The following MMP16 variants were observed in gnomAD, a reference collection of about 807,000 sequenced individuals.
MMP16 encodes the protein matrix metallopeptidase 16, also known as matrix metalloproteinase-16.
MMP16 carries 12 observed loss-of-function variants against 67.8 expected under a neutral mutation model. The ratio of observed to expected loss-of-function variants is 0.18; its 90% CI spans 0.11 to 0.29. MMP16 has a LOEUF of 0.29. MMP16 is among the 10% of genes least tolerant of loss of function. MMP16 has a pLI of 1.00. For synonymous variants in MMP16, 249 were observed against 255.9 expected, an observed-to-expected ratio of 0.97 and a Z score of 0.26; for missense variants, 475 against 765.7, an observed-to-expected ratio of 0.62 and a Z score of 4.48.
intron 4 of MMP16, among the ~76,000 whole-genome samples, chr8:88,163,971 A>G (rs927046953): frequency 1.3e-5 from 2 of 152,248 alleles, no homozygotes; most frequent in South Asian, 4.1e-4. Flanking sequence ...TATTTTAATA[A>G]AACTATTTTG....
intron 4 of MMP16, among the ~76,000 whole-genome samples, chr8:88,161,125 C>T (rs984507765): frequency 6.6e-6 from 1 of 152,144 alleles, no homozygotes; most frequent in Admixed American, 6.5e-5. Context: ...AGGAATGGTA[C>T]CAGCTCCTCC....
chr8:88,084,997 G>C (rs1392882619), intron 6 of MMP16, among the ~76,000 whole-genome samples: 1 of 151,726 alleles, frequency 6.6e-6, no homozygotes, highest in African/African-American at 2.4e-5. Flanking sequence ...TGTAACTAAG[G>C]GTAATATATG....
At chr8:88,222,024 C>CT (rs1005612996) in intron 1 of MMP16, among the ~76,000 whole-genome samples, 2 of 151,456 alleles carry the variant, frequency 1.3e-5, no homozygotes. Context: ...CATCCTCCTG[C>CT]TTTTTTTTAT....
At position 88,161,697 on chromosome 8, in the gene MMP16, A is replaced by C. The variant is rs538089466; in HGVS notation, c.709+5972T>G. On this transcript the variant is annotated intron_variant, in intron 4 of 9. Coordinates refer to ENST00000286614, the MANE Select transcript of MMP16 (RefSeq NM_005941.5). ...TTCTCTCGTGGGCATGTAGTGCTAT[A>C]AATTTCCGTCTACACACTGCTTTAA... 9.2e-5 allele frequency among the ~76,000 whole-genome samples: 14 copies of C among 152,136 alleles called. No individual in the cohort carries two copies. The South Asian group carries it at 2.5e-3, about 27-fold the overall frequency.
chr8:88,294,703 G>T (rs1208388991), intron 1 of MMP16, among the ~76,000 whole-genome samples: 1 of 151,942 alleles, frequency 6.6e-6, no homozygotes, highest in African/African-American at 2.4e-5. Flanking sequence ...TATTAGAATT[G>T]ATTTATTTAT....
At position 88,035,464 on chromosome 8, in the gene MMP16, C is replaced by A. The variant is rs1289271609; in HGVS notation, c.*5997G>T. The A allele has an allele frequency of 1.3e-5, 2 of 151,980 alleles. No individual in the cohort carries two copies. Among genetic ancestry groups the A allele is most frequent in the African/African-American group, 4.8e-5 (2 of 41,412 alleles). 9.4% of individuals were successfully genotyped at this position (151,980 alleles called of 1,614,324 possible). On this transcript the variant is annotated 3_prime_UTR_variant, in exon 10 of 10. Coordinates refer to ENST00000286614, the MANE Select transcript of MMP16 (RefSeq NM_005941.5). The surrounding 1 kb of genome is among the most constrained non-coding windows in gnomAD (Gnocchi z 4.7). ...CTTTAAGTTGAAAAGGCATAGAATC[C>A]TCAGAAATCTCTATAAATAAATGTC...
At chr8:88,252,364 A>T (rs1163305703) in intron 1 of MMP16, among the ~76,000 whole-genome samples, 1 of 152,082 alleles carries the variant, frequency 6.6e-6, no homozygotes, top group African/African-American at 2.4e-5. Flanking sequence ...TTAATGGACA[A>T]CTGTAGCCCT....
chr8:88,170,853 A>G (rs1365269637), intron 3 of MMP16, among the ~76,000 whole-genome samples: 1 of 152,144 alleles, frequency 6.6e-6, no homozygotes, highest in Admixed American at 6.6e-5. Flanking sequence ...GGAAAAATGG[A>G]TGATGGGACA....
rs1040910784 is a variant in MMP16, at chr8:88,037,492, T to C, written c.*3969A>G. 4.6e-5 allele frequency: 7 copies of C among 151,946 alleles called. No individual in the cohort carries two copies. The highest frequency in any genetic ancestry group is 1.7e-4 in the African/African-American group (7 of 41,424). The allele number at this position is 151,946 out of a possible 1,614,324, so 9.4% of individuals were successfully genotyped here. ...ATTACTTAGTAATTTATCACATCGA[T>C]TCAGAAAAGCCTTGCCCTCTGATTT... is the stretch of plus-strand genomic sequence containing the variant. On this transcript the variant is annotated 3_prime_UTR_variant, in exon 10 of 10. Coordinates refer to ENST00000286614, the MANE Select transcript of MMP16 (RefSeq NM_005941.5).
intron 1 of MMP16, among the ~76,000 whole-genome samples, chr8:88,321,006 A>T (rs2130087518): frequency 6.6e-6 from 1 of 152,284 alleles, no homozygotes; most frequent in Admixed American, 6.5e-5. Flanking sequence ...TCTATAAATA[A>T]CTTCCCCAAG....
At chr8:88,107,344 T>C (rs1158592845) in intron 6 of MMP16, among the ~76,000 whole-genome samples, 1 of 151,076 alleles carries the variant, frequency 6.6e-6, no homozygotes, top group Admixed American at 6.6e-5. Flanking sequence ...TTTACTCAAG[T>C]CTGGGGACTT....
chr8:88,223,637 A>G (rs2129853180), intron 1 of MMP16, among the ~76,000 whole-genome samples: 1 of 141,636 alleles, frequency 7.1e-6, no homozygotes. Flanking sequence ...GTGGGAACTG[A>G]ACAATGAAAG....
chr8:88,106,037 T>C (rs1809233150), intron 6 of MMP16, among the ~76,000 whole-genome samples: 1 of 129,614 alleles, frequency 7.7e-6, no homozygotes, highest in African/African-American at 2.9e-5. Context: ...CGTGTATATA[T>C]ATTTACACGT....
At chr8:88,226,737 G>C (rs1048088905) in intron 1 of MMP16, among the ~76,000 whole-genome samples, 2 of 151,962 alleles carry the variant, frequency 1.3e-5, no homozygotes, top group Non-Finnish European at 2.9e-5. Context: ...AGGCATGTCC[G>C]AGAGTGCTGA....
chr8:88,105,076 G>A (rs1458967480), intron 6 of MMP16, among the ~76,000 whole-genome samples: 2 of 151,098 alleles, frequency 1.3e-5, no homozygotes, highest in East Asian at 3.9e-4. Context: ...TGCATCCAAA[G>A]GAATTTCCAG....
intron 1 of MMP16, among the ~76,000 whole-genome samples, chr8:88,320,622 AC>A (rs1811443706): frequency 1.3e-5 from 2 of 152,138 alleles, no homozygotes; most frequent in Non-Finnish European, 2.9e-5. Flanking sequence ...TAAATCGTGA[AC>A]TGTGTTCATT....
intron 3 of MMP16, among the ~76,000 whole-genome samples, chr8:88,174,469 A>G (rs760602464): frequency 3.9e-5 from 6 of 152,236 alleles, no homozygotes; most frequent in Admixed American, 6.5e-5. Flanking sequence ...GAATTTATTC[A>G]ACAACCAACT....
chr8:88,207,154 A>G (rs1375491119), intron 1 of MMP16, among the ~76,000 whole-genome samples: 1 of 152,222 alleles, frequency 6.6e-6, no homozygotes, highest in East Asian at 1.9e-4. Context: ...ATATACACAA[A>G]TCTATTATAA....
At chr8:88,314,831 T>C (rs1385549697) in intron 1 of MMP16, among the ~76,000 whole-genome samples, 2 of 152,160 alleles carry the variant, frequency 1.3e-5, no homozygotes, top group Non-Finnish European at 2.9e-5. Flanking sequence ...GGCAGATCTC[T>C]GGTGTTTTTG....
Sources: allele counts gnomAD v4.1 joint callset (sites outside exome capture counted in the v4.1 genomes callset), GRCh38; gene constraint gnomAD v4.1.1; non-coding constraint Gnocchi (gnomAD v3.1); transcripts MANE v1.5; gene names NCBI Gene and HGNC (gene_info 2026-07-23, HGNC 2026-07-21).